The following PGM2 variants were observed in gnomAD, a reference collection of about 807,000 sequenced individuals.
The protein encoded by PGM2 is phosphopentomutase.
In PGM2, 57 loss-of-function variants were observed where a neutral mutation model predicts 74.6. The observed-to-expected ratio is 0.76, with a 90% CI of 0.62 to 0.95. The LOEUF is 0.95. Ranked by LOEUF, PGM2 falls within the 40% of genes least tolerant of loss-of-function variation. PGM2 has a pLI of 0.00. For missense variants in PGM2, 706 were observed against 741.9 expected (o/e 0.95, Z 0.56); for synonymous variants, 273 against 260.7 (o/e 1.05, Z -0.46).
intron 13 of PGM2, among the ~76,000 whole-genome samples, chr4:37,860,414 C>CAGAA (rs1711734272): frequency 6.6e-6 from 1 of 152,178 alleles, no homozygotes; most frequent in South Asian, 2.1e-4. Flanking sequence ...GCAATCTGTA[C>CAGAA]AGAAACTCTC....
At chr4:37,840,879 A>G (rs1725690747) in intron 6 of PGM2, among the ~76,000 whole-genome samples, 1 of 151,928 alleles carries the variant, frequency 6.6e-6, no homozygotes, top group Non-Finnish European at 1.5e-5. Flanking sequence ...GCTTGCCCAT[A>G]GGCCATAGTT....
intron 6 of PGM2, 47 bp from the exon 7 acceptor site, chr4:37,844,317 G>C: frequency 7.9e-7 from 1 of 1,263,618 alleles, no homozygotes. Flanking sequence ...AGTTTTGAGA[G>C]CCCTGTTTCT....
intron 13 of PGM2, among the ~76,000 whole-genome samples, chr4:37,858,545 T>A (rs529247838): frequency 6.3e-4 from 96 of 151,376 alleles, no homozygotes; most frequent in Non-Finnish European, 1.3e-3. Flanking sequence ...AGACAAGGTT[T>A]CATCATGTCG....
Position 37,834,714 on chromosome 4 carries a change from A to G in PGM2, c.346A>G (p.Ser116Gly), listed in dbSNP as rs146576873. The change falls in exon 3 of 14, where the codon AGC (serine) becomes GGC (glycine). Residue 116 changes from serine to glycine, a missense_variant. Transcript: ENST00000381967. ...DARAHPSSGG[S>G]SRRFARLAAT... Reference sequence around the variant, plus strand: ...CCGAGCTCATCCATCCAGTGGGGGTAGCAGCAGAAGGTATTTAAACATTTT... The same window carrying G: ...CCGAGCTCATCCATCCAGTGGGGGTGGCAGCAGAAGGTATTTAAACATTTT... The G allele has an allele frequency of 4.1e-5, 60 of 1,457,150 alleles. No individual in the cohort carries two copies. The highest frequency in any genetic ancestry group is 4.6e-5 in the Non-Finnish European group (48 of 1,045,230). The allele number at this position is 1,457,150 out of a possible 1,614,324, so 90.3% of individuals were successfully genotyped here. A position where few individuals can be genotyped will look rare whatever the true frequency, so the allele number is the denominator to read the frequency against.
intron 5 of PGM2, 60 bp from the exon 6 acceptor site, chr4:37,840,006 T>C: frequency 6.6e-7 from 1 of 1,519,170 alleles, no homozygotes. Flanking sequence ...GGACCATAGG[T>C]AATAGGTGCC....
intron 2 of PGM2, among the ~76,000 whole-genome samples, chr4:37,834,247 G>A (rs549076313): frequency 6.6e-6 from 1 of 151,886 alleles, no homozygotes; most frequent in East Asian, 1.9e-4. Context: ...GGTAGGGGGG[G>A]ATTGCTTAAA....
chr4:37,856,072 C>A (rs903924443), intron 13 of PGM2, among the ~76,000 whole-genome samples: 3 of 152,092 alleles, frequency 2.0e-5, no homozygotes, highest in African/African-American at 7.2e-5. Flanking sequence ...CTTCAGTCTT[C>A]CCATGTCTCT....
chr4:37,831,927 C>G (rs1198793842), intron 2 of PGM2, among the ~76,000 whole-genome samples: 2 of 152,100 alleles, frequency 1.3e-5, no homozygotes, highest in Non-Finnish European at 2.9e-5. Context: ...TGCCATTGGG[C>G]CTAATTGTTA....
At position 37,834,636 on chromosome 4, in the gene PGM2, G is replaced by A; in HGVS notation, c.268G>A (p.Glu90Lys). The stretch of plus-strand genomic sequence containing the variant: ...TTTGTAGGGATTTTGCAGATACCTG[G>A]AAAAACAATTCAGTGACTTAAAGCA... ...QTTQGFCRYL[E>K]KQFSDLKQKG... is the part of the protein sequence containing the mutation. The change falls in exon 3 of 14, where the codon GAA becomes AAA. Residue 90 changes from glutamate to lysine, a missense_variant. Physicochemically the swap from Glu to Lys is moderately conservative, Grantham distance 56. Transcript: ENST00000381967. The A allele has an allele frequency of 3.2e-6, 5 of 1,584,226 alleles. No individual in the cohort carries two copies. The highest frequency in any genetic ancestry group is 4.3e-6 in the Non-Finnish European group (5 of 1,155,718).
rs182457714 is a variant in PGM2 at position 37,850,868 on chromosome 4, A to G, written c.1602+495A>G. ...TAGCCAGGTGTGGTGGCTCATACCT[A>G]TAATCCCAGCTACTCAGGAGCGTGA... On this transcript the variant is annotated intron_variant, in intron 12 of 13. Transcript: ENST00000381967. Among the ~76,000 whole-genome samples, 353 of 151,872 alleles carry G rather than the reference A, an allele frequency of 2.3e-3. 1 individual carries two copies. Among genetic ancestry groups the G allele is most frequent in the Middle Eastern group, 0.01 (3 of 292 alleles).
At chr4:37,845,104 GTTAAT>G (rs1018283795) in intron 7 of PGM2, among the ~76,000 whole-genome samples, 17 of 151,952 alleles carry the variant, frequency 1.1e-4, no homozygotes, top group South Asian at 4.1e-4. Flanking sequence ...TTCAAATTCA[GTTAAT>G]TTAATTTAAT....
chr4:37,862,676 CA>C lies in PGM2; in HGVS notation c.*1067del, dbSNP rs1560424316. The C allele has an allele frequency of 6.6e-6, 1 of 151,892 alleles. No individual in the cohort carries two copies. Among genetic ancestry groups the C allele is most frequent in the Non-Finnish European group, 1.5e-5 (1 of 67,986 alleles). The allele number at this position is 151,892 out of a possible 1,614,324, so 9.4% of individuals were successfully genotyped here. A position where few individuals can be genotyped will look rare whatever the true frequency, so the allele number is the denominator to read the frequency against. ...TTTACATTATTTCTGATTTTTAAAG[CA>C]AATGATTGCCATTATGATTACACTC... On this transcript the variant is annotated 3_prime_UTR_variant, in exon 14 of 14. Transcript: ENST00000381967.
chr4:37,851,055 C>A (rs925823074), intron 12 of PGM2, among the ~76,000 whole-genome samples: 18 of 150,308 alleles, frequency 1.2e-4, no homozygotes, highest in African/African-American at 4.2e-4. Flanking sequence ...GCACCTTAGG[C>A]AATAAGTGAT....
chr4:37,849,222 A>G (rs1424281549), intron 11 of PGM2, among the ~76,000 whole-genome samples: 1 of 152,178 alleles, frequency 6.6e-6, no homozygotes, highest in Non-Finnish European at 1.5e-5. Flanking sequence ...ATCAAAAAAG[A>G]TTGAATGTCT....
chr4:37,853,527 A>T (rs912836546), intron 12 of PGM2, among the ~76,000 whole-genome samples: 1 of 151,908 alleles, frequency 6.6e-6, no homozygotes, highest in Non-Finnish European at 1.5e-5. Context: ...CTTTTACATG[A>T]TGTCTTTCCC....
At chr4:37,858,513 GTT>G (rs34291894) in intron 13 of PGM2, among the ~76,000 whole-genome samples, 4 of 135,032 alleles carry the variant, frequency 3.0e-5, no homozygotes, top group Non-Finnish European at 3.2e-5. Flanking sequence ...ATTTTTTGGT[GTT>G]TTTTTTTTTT....
At chr4:37,836,152 CATT>C (rs1355680951) in intron 3 of PGM2, among the ~76,000 whole-genome samples, 1 of 152,210 alleles carries the variant, frequency 6.6e-6, no homozygotes, top group Admixed American at 6.5e-5. Flanking sequence ...GATATGTTAA[CATT>C]ATCAATTAAG....
chr4:37,844,367 C>T lies in PGM2; in HGVS notation c.723C>T (p.Ser241=), dbSNP rs191326853. The change falls in exon 7 of 14, where the codon AGC becomes AGT. Residue 241 remains serine (S), a synonymous_variant. Coordinates refer to ENST00000381967, the MANE Select transcript of PGM2 (RefSeq NM_018290.4). Reference sequence around the variant, plus strand: ...TCCACTGTGTATCTGATTCTAGGAGCGTGAACAGGGAGACAAAGGTGAAGT... The same window carrying T: ...TCCACTGTGTATCTGATTCTAGGAGTGTGAACAGGGAGACAAAGGTGAAGT... ...EDLKKYCFHR[S]VNRETKVKFV... is the part of the protein sequence containing the mutation. 7.5e-6 allele frequency: 12 copies of T among 1,601,634 alleles called. No individual in the cohort carries two copies. Among genetic ancestry groups the T allele is most frequent in the East Asian group, 6.7e-5 (3 of 44,702 alleles).
At position 37,826,824 on chromosome 4, in the gene PGM2, C is replaced by T. The variant is rs1029786515; in HGVS notation, c.81+11C>T. 2 of 1,531,406 alleles carry T rather than the reference C, an allele frequency of 1.3e-6. No individual in the cohort carries two copies. The highest frequency in any genetic ancestry group is 2.5e-5 in the East Asian group (1 of 40,602). The allele number at this position is 1,531,406 out of a possible 1,614,324, so 94.9% of individuals were successfully genotyped here. A position where few individuals can be genotyped will look rare whatever the true frequency, so the allele number is the denominator to read the frequency against. On this transcript the variant is annotated intron_variant, in intron 1 of 13. Coordinates refer to ENST00000381967, the MANE Select transcript of PGM2 (RefSeq NM_018290.4). ...CTGCGCTGGGACAAGGTGAGGGGCA[C>T]CAGCAGGCGGGGAGCGCCTGGAGCG...
Sources: gnomAD v4.1 joint callset for allele counts (sites outside exome capture counted in the v4.1 genomes callset) on GRCh38, gnomAD v4.1.1 for gene constraint, MANE v1.5 for transcripts, NCBI Gene and HGNC (gene_info 2026-07-23, HGNC 2026-07-21) for gene names.